Variants in SYTL3 observed in about 807,000 individuals in gnomAD.
SYTL3 encodes synaptotagmin-like protein 3.
A neutral mutation model predicts 82.1 loss-of-function variants in SYTL3; 88 were observed. The observed-to-expected ratio is 1.07, with a 90% CI of 0.90 to 1.28. The LOEUF is 1.28. Ranked by LOEUF, SYTL3 falls within the 50% of genes most tolerant of loss-of-function variation. SYTL3 has a pLI of 0.00. For missense variants in SYTL3, 831 were observed against 757.6 expected (o/e 1.10, Z -1.14); for synonymous variants, 311 against 289.4 (o/e 1.07, Z -0.76).
At chr6:158,763,555 C>T (rs1202694104) in intron 17 of SYTL3, 46 bp downstream of exon 17, 112 of 1,523,916 alleles carry the variant, frequency 7.3e-5, no homozygotes, top group Non-Finnish European at 1.0e-4. Context: ...TTGTGATTAT[C>T]CTAATGGGTA....
intron 1 of SYTL3, 79 bp from the exon 2 acceptor site, chr6:158,651,674 C>T (rs1051615818): frequency 6.6e-6 from 1 of 151,826 alleles, no homozygotes; most frequent in East Asian, 1.9e-4. Context: ...AGTATGAATG[C>T]CATGGCTTCC....
At chr6:158,747,345 A>C (rs1346408473) in intron 12 of SYTL3, among the ~76,000 whole-genome samples, 1 of 152,016 alleles carries the variant, frequency 6.6e-6, no homozygotes, top group Non-Finnish European at 1.5e-5. Context: ...CTTTTTAAAA[A>C]TTTAATTAAT....
At position 158,683,008 on chromosome 6, in the gene SYTL3, T is replaced by C; in HGVS notation, c.394+19T>C. On this transcript the variant is annotated intron_variant, in intron 6 of 17. Transcript: ENST00000611299. ...ACTGGAGGTAAATGCTCTTTACTTT[T>C]TTAGTAAAGTAAAATGATCTATTCC... is the stretch of plus-strand genomic sequence containing the variant. 1 of 1,547,502 alleles carries C rather than the reference T, an allele frequency of 6.5e-7. No homozygotes were observed. Among genetic ancestry groups the C allele is most frequent in the Non-Finnish European group, 8.9e-7 (1 of 1,120,102 alleles).
At position 158,651,755 on chromosome 6, in the gene SYTL3, T is replaced by C. The variant is rs1788049218; in HGVS notation, c.-724T>C. 6.6e-6 allele frequency: 1 copy of C among 151,760 alleles called. No homozygotes were observed. The highest frequency in any genetic ancestry group is 1.5e-5 in the Non-Finnish European group (1 of 67,888). The allele number at this position is 151,760 out of a possible 1,614,324, so 9.4% of individuals were successfully genotyped here. On this transcript the variant is annotated splice_region_variant and 5_prime_UTR_variant, in exon 2 of 18. Coordinates refer to ENST00000611299, the MANE Select transcript of SYTL3 (RefSeq NM_001242394.2). ...TTGTTGTTTTTGGGTGGTAAAAGGC[T>C]CCCCGAATGAGAAAGAATACTCGGA...
At chr6:158,761,111 G>C (rs1383570053) in intron 15 of SYTL3, among the ~76,000 whole-genome samples, 1 of 152,014 alleles carries the variant, frequency 6.6e-6, no homozygotes. Flanking sequence ...GTACCTGCAG[G>C]GCTCAGACGA....
At chr6:158,718,294 T>G in intron 10 of SYTL3, 83 bp downstream of exon 10, 5 of 1,298,556 alleles carry the variant, frequency 3.9e-6, no homozygotes, top group Non-Finnish European at 5.0e-6. Context: ...CTCTGTAGAT[T>G]TATGTTTTCT....
chr6:158,722,631 A>G (rs1401211870), intron 10 of SYTL3, among the ~76,000 whole-genome samples: 1 of 152,078 alleles, frequency 6.6e-6, no homozygotes, highest in Non-Finnish European at 1.5e-5. Flanking sequence ...AATGTACAGT[A>G]TTGACCTATA....
At chr6:158,757,082 C>A in intron 13 of SYTL3, 129 bp from the exon 14 acceptor site, 1 of 729,836 alleles carries the variant, frequency 1.4e-6, no homozygotes, top group Non-Finnish European at 2.0e-6. Flanking sequence ...ATCTTGGACT[C>A]AGCCTGTGGG....
chr6:158,657,147 C>T (rs1001105721), intron 2 of SYTL3, among the ~76,000 whole-genome samples: 1 of 152,052 alleles, frequency 6.6e-6, no homozygotes, highest in Non-Finnish European at 1.5e-5. Context: ...TAGTAGTGGC[C>T]GGGCACGGTG....
intron 11 of SYTL3, among the ~76,000 whole-genome samples, chr6:158,734,094 C>CAAAAAA (rs560547617): frequency 3.8e-4 from 28 of 74,512 alleles, no homozygotes; most frequent in African/African-American, 1.4e-3. Context: ...GACCCTGTCT[C>CAAAAAA]AAAAAAAAAA....
intron 8 of SYTL3, among the ~76,000 whole-genome samples, chr6:158,710,829 G>A (rs919673695): frequency 2.0e-5 from 3 of 149,292 alleles, no homozygotes; most frequent in African/African-American, 7.4e-5. Flanking sequence ...TGTCCAGGCT[G>A]GAGTGCAATG....
chr6:158,665,298 T>C, intron 4 of SYTL3, 97 bp from the exon 5 acceptor site: 1 of 1,171,522 alleles, frequency 8.5e-7, no homozygotes, highest in Non-Finnish European at 1.2e-6. Flanking sequence ...CCAAAGCCCC[T>C]TCCCTTGCCA....
chr6:158,760,750 G>A lies in SYTL3; in HGVS notation c.1414+5G>A. Reference sequence around the variant, plus strand: ...AACTCCAAGAGGCTCAAGAAGGTCAGTGGCCTCCAGCTCCCTGGACATTGT... The same window carrying A: ...AACTCCAAGAGGCTCAAGAAGGTCAATGGCCTCCAGCTCCCTGGACATTGT... On this transcript the variant is annotated splice_donor_5th_base_variant and intron_variant, in intron 15 of 17. Transcript: ENST00000611299. 3 of 1,606,460 alleles carry A rather than the reference G, an allele frequency of 1.9e-6. No individual in the cohort carries two copies. The highest frequency in any genetic ancestry group is 2.6e-6 in the Non-Finnish European group (3 of 1,172,982).
At chr6:158,744,293 T>C (rs1562452337) in intron 11 of SYTL3, among the ~76,000 whole-genome samples, 1 of 130,288 alleles carries the variant, frequency 7.7e-6, no homozygotes, top group Non-Finnish European at 1.5e-5. Context: ...GTTTTTTTTT[T>C]CTTTTTCTTT....
intron 11 of SYTL3, among the ~76,000 whole-genome samples, chr6:158,744,630 G>T (rs1460392553): frequency 6.6e-6 from 1 of 152,094 alleles, no homozygotes; most frequent in African/African-American, 2.4e-5. Context: ...TCCCATGCTT[G>T]TTTCTTAGTT....
At chr6:158,703,944 C>T (rs1781640808) in intron 6 of SYTL3, among the ~76,000 whole-genome samples, 1 of 151,268 alleles carries the variant, frequency 6.6e-6, no homozygotes, top group Admixed American at 6.6e-5. Flanking sequence ...AGTTCAGCCT[C>T]CCGAGTAGCT....
chr6:158,722,762 GT>G (rs34189391), intron 10 of SYTL3, among the ~76,000 whole-genome samples: 4,359 of 80,808 alleles, frequency 0.054, 108 homozygotes, highest in Non-Finnish European at 0.065. Context: ...TCTCTTTTCT[GT>G]TTTTTTTTTT....
At chr6:158,718,000 T>TG in intron 9 of SYTL3, 87 bp from the exon 10 acceptor site, 1 of 1,311,426 alleles carries the variant, frequency 7.6e-7, no homozygotes, top group South Asian at 1.7e-5. Flanking sequence ...CCACTGTCTG[T>TG]GGGTTCAGTG....
intron 13 of SYTL3, 118 bp from the exon 14 acceptor site, chr6:158,757,092 GA>G: frequency 9.8e-7 from 1 of 1,016,084 alleles, no homozygotes; most frequent in Non-Finnish European, 1.4e-6. Context: ...CAGCCTGTGG[GA>G]GGGAGGCCTG....
Sources: gnomAD v4.1 joint callset for allele counts (sites outside exome capture counted in the v4.1 genomes callset) on GRCh38, gnomAD v4.1.1 for gene constraint, MANE v1.5 for transcripts, NCBI Gene and HGNC (gene_info 2026-07-23, HGNC 2026-07-21) for gene names.